Variants in KIRREL3 observed in about 807,000 individuals in gnomAD.
KIRREL3 encodes kirre like nephrin family adhesion molecule 3.
In KIRREL3, 36 loss-of-function variants were observed where a neutral mutation model predicts 89.7. The ratio of observed to expected loss-of-function variants is 0.40; its 90% CI spans 0.31 to 0.53. KIRREL3 has a LOEUF of 0.53. Ranked by LOEUF, KIRREL3 falls within the 20% of genes least tolerant of loss-of-function variation. The pLI is 0.49. For missense variants in KIRREL3, 864 were observed against 1,056.6 expected (o/e 0.82, Z 2.53); for synonymous variants, 445 against 441.4 (o/e 1.01, Z -0.10).
intron 1 of KIRREL3, among the ~76,000 whole-genome samples, chr11:126,945,341 C>T (rs894431759): frequency 2.6e-5 from 4 of 152,132 alleles, no homozygotes; most frequent in African/African-American, 4.8e-5. Context: ...CTGTGGGGGG[C>T]AGAGGTGGGA....
intron 5 of KIRREL3, among the ~76,000 whole-genome samples, chr11:126,469,181 C>T (rs986542525): frequency 2.6e-5 from 4 of 152,178 alleles, no homozygotes; most frequent in Non-Finnish European, 5.9e-5. Context: ...TGGCAGAGCC[C>T]GGATCCAAAT....
At chr11:126,786,200 A>C (rs1021747489) in intron 1 of KIRREL3, among the ~76,000 whole-genome samples, 1 of 152,224 alleles carries the variant, frequency 6.6e-6, no homozygotes, top group Non-Finnish European at 1.5e-5. Context: ...ATTGCATATG[A>C]TAACTATGCT....
intron 1 of KIRREL3, among the ~76,000 whole-genome samples, chr11:126,863,870 C>T (rs1252540913): frequency 6.6e-6 from 1 of 152,164 alleles, no homozygotes; most frequent in Non-Finnish European, 1.5e-5. Context: ...GCTCACACAA[C>T]AAAGGTAGGC....
In KIRREL3 at chr11:126,682,145, G is replaced by C. The variant is rs1214049408; in HGVS notation, c.56-119233C>G. On this transcript the variant is annotated intron_variant, in intron 1 of 16. Coordinates refer to ENST00000525144, the MANE Select transcript of KIRREL3 (RefSeq NM_032531.4). This position sits in a 1 kb window ranked among gnomAD's most constrained non-coding sequence, Gnocchi z 4.8. ...TATTTAGGACCTGGGTGAAGGAAGA[G>C]TGGGCATCACAGAGCTGCTGTGGAG... The C allele has an allele frequency of 3.0e-6, 1 of 331,444 alleles. No individual in the cohort carries two copies. The highest frequency in any genetic ancestry group is 5.9e-6 in the Non-Finnish European group (1 of 168,214). 20.5% of individuals were successfully genotyped at this position (331,444 alleles called of 1,614,324 possible).
rs186502755 is a variant in KIRREL3 at position 126,635,788 on chromosome 11, C to T, written c.56-72876G>A. Among the ~76,000 whole-genome samples, 4 of 152,260 alleles carry T rather than the reference C, an allele frequency of 2.6e-5. No homozygotes were observed. The highest frequency in any genetic ancestry group is 9.6e-5 in the African/African-American group (4 of 41,562). ...GAATTGTTGTGGTAATCTGAAGAGG[C>T]GATTGGTATAAAAATACCAGGTAAA... On this transcript the variant is annotated intron_variant, in intron 1 of 16. Coordinates refer to ENST00000525144, the MANE Select transcript of KIRREL3 (RefSeq NM_032531.4). The surrounding 1 kb of genome is among the most constrained non-coding windows in gnomAD (Gnocchi z 4.0).
chr11:126,508,199 C>T lies in KIRREL3; in HGVS notation c.433+13116G>A, dbSNP rs543183693. 4.6e-5 allele frequency among the ~76,000 whole-genome samples: 7 copies of T among 152,260 alleles called. No homozygotes were observed. The highest frequency in any genetic ancestry group is 1.7e-4 in the African/African-American group (7 of 41,546). On this transcript the variant is annotated intron_variant, in intron 4 of 16. Coordinates refer to ENST00000525144, the MANE Select transcript of KIRREL3 (RefSeq NM_032531.4). This position sits in a 1 kb window ranked among gnomAD's most constrained non-coding sequence, Gnocchi z 4.9. Reference sequence around the variant, plus strand: ...TATAAACATTTATAAACACCTGGATCGACTTGTGAAAGTGTGACACATTTT... The same window carrying T: ...TATAAACATTTATAAACACCTGGATTGACTTGTGAAAGTGTGACACATTTT...
chr11:126,979,482 AGCAC>A (rs1949665847), intron 1 of KIRREL3, among the ~76,000 whole-genome samples: 1 of 152,222 alleles, frequency 6.6e-6, no homozygotes. Flanking sequence ...ATTCTCCCAG[AGCAC>A]TGAAGCCTGA....
intron 6 of KIRREL3, 99 bp from the exon 7 acceptor site, chr11:126,456,553 G>A: frequency 2.5e-6 from 2 of 804,750 alleles, no homozygotes; most frequent in Non-Finnish European, 4.0e-6. Context: ...CACCACCCAG[G>A]GACCCTCAGA....
intron 1 of KIRREL3, among the ~76,000 whole-genome samples, chr11:126,975,412 C>G (rs902593161): frequency 1.1e-4 from 16 of 152,142 alleles, no homozygotes; most frequent in African/African-American, 3.9e-4. Context: ...CTCCTACCCC[C>G]CTGAAATTTC....
At chr11:126,509,946 C>T (rs1342642807) in intron 4 of KIRREL3, among the ~76,000 whole-genome samples, 1 of 122,256 alleles carries the variant, frequency 8.2e-6, no homozygotes, top group African/African-American at 3.2e-5. Flanking sequence ...GAGATTGTGC[C>T]ACTGCACTCC....
At chr11:126,730,687 G>A (rs987844490) in intron 1 of KIRREL3, among the ~76,000 whole-genome samples, 9 of 152,138 alleles carry the variant, frequency 5.9e-5, no homozygotes, top group Admixed American at 1.3e-4. Flanking sequence ...CCAAAATGGC[G>A]GTAGTCCCCA....
At chr11:126,451,252 T>G (rs559119590) in intron 7 of KIRREL3, among the ~76,000 whole-genome samples, 145 of 142,314 alleles carry the variant, frequency 1.0e-3, no homozygotes, top group African/African-American at 3.4e-3. Context: ...TGTGAGCATG[T>G]GTGCATTGCT....
intron 1 of KIRREL3, among the ~76,000 whole-genome samples, chr11:126,792,259 GTGT>G (rs1555196080): frequency 2.0e-5 from 3 of 152,190 alleles, no homozygotes; most frequent in Non-Finnish European, 2.9e-5. Flanking sequence ...CCACCTCACA[GTGT>G]TGTTGTAAAC....
chr11:126,749,481 C>T (rs1949264473), intron 1 of KIRREL3, among the ~76,000 whole-genome samples: 1 of 152,128 alleles, frequency 6.6e-6, no homozygotes, highest in African/African-American at 2.4e-5. Context: ...ACATCATCTG[C>T]TGAGAACCAG....
rs767915081 is a variant in KIRREL3, at chr11:126,570,348, A to G, written c.56-7436T>C. 6.6e-6 allele frequency among the ~76,000 whole-genome samples: 1 copy of G among 152,240 alleles called. No homozygotes were observed. The highest frequency in any genetic ancestry group is 1.5e-5 in the Non-Finnish European group (1 of 68,046). On this transcript the variant is annotated intron_variant, in intron 1 of 16. Transcript: ENST00000525144. The surrounding 1 kb of genome is among the most constrained non-coding windows in gnomAD (Gnocchi z 6.1). ...ACTATTGATTTGTATTTAATTAACT[A>G]TGCTATTACATACCAATTAAATTCA...
chr11:126,957,099 T>A (rs117813759), intron 1 of KIRREL3, among the ~76,000 whole-genome samples: 1 of 152,364 alleles, frequency 6.6e-6, no homozygotes, highest in Non-Finnish European at 1.5e-5. Context: ...TGCTATTGAC[T>A]GATGAATTAA....
chr11:126,901,349 C>T (rs921306982), intron 1 of KIRREL3, among the ~76,000 whole-genome samples: 1 of 152,112 alleles, frequency 6.6e-6, no homozygotes, highest in Non-Finnish European at 1.5e-5. Context: ...ACAAATGACT[C>T]ATCTTCACCC....
intron 1 of KIRREL3, among the ~76,000 whole-genome samples, chr11:126,842,629 A>G (rs755626592): frequency 6.6e-5 from 10 of 152,202 alleles, no homozygotes; most frequent in Non-Finnish European, 1.2e-4. Flanking sequence ...CTTCAGGGTC[A>G]GACCTGGCTT....
At chr11:126,925,468 G>C (rs548386861) in intron 1 of KIRREL3, among the ~76,000 whole-genome samples, 1 of 152,320 alleles carries the variant, frequency 6.6e-6, no homozygotes, top group African/African-American at 2.4e-5. Context: ...CCAGCTTGGG[G>C]GATTTACGAA....
Sources: allele counts gnomAD v4.1 joint callset (sites outside exome capture counted in the v4.1 genomes callset), GRCh38; gene constraint gnomAD v4.1.1; non-coding constraint Gnocchi (gnomAD v3.1); transcripts MANE v1.5; gene names NCBI Gene and HGNC (gene_info 2026-07-23, HGNC 2026-07-21).